The following PVT1 variants were observed in gnomAD, a reference collection of about 807,000 sequenced individuals.
PVT1 encodes the protein Pvt1 oncogene.
intron 3 of PVT1, among the ~76,000 whole-genome samples, chr8:127,959,537 A>T (rs921631118): frequency 1.4e-5 from 2 of 140,808 alleles, no homozygotes; most frequent in African/African-American, 5.2e-5. Context: ...GTTAGCCGAG[A>T]TGGCGCCACT....
chr8:128,049,763 G>A (rs578049253), intron 4 of PVT1, among the ~76,000 whole-genome samples: 6 of 152,110 alleles, frequency 3.9e-5, no homozygotes, highest in South Asian at 4.1e-4. Context: ...GGTTTACACC[G>A]GGGCTCTAGG....
intron 2 of PVT1, among the ~76,000 whole-genome samples, chr8:127,818,847 G>T (rs1413889535): frequency 6.6e-6 from 1 of 151,378 alleles, no homozygotes; most frequent in African/African-American, 2.4e-5. Context: ...GCATGTGGTA[G>T]GTGCTCAATA....
intron 3 of PVT1, among the ~76,000 whole-genome samples, chr8:127,982,828 C>T (rs940536126): frequency 2.0e-5 from 3 of 152,188 alleles, no homozygotes; most frequent in African/African-American, 7.2e-5. Flanking sequence ...CCTGTTTCTC[C>T]TCCCTGGGAC....
chr8:127,821,790 C>T (rs564978775), intron 2 of PVT1, among the ~76,000 whole-genome samples: 15 of 151,088 alleles, frequency 9.9e-5, no homozygotes, highest in African/African-American at 3.4e-4. Flanking sequence ...CCAGCCTGGG[C>T]GACAGAGGGT....
intron 2 of PVT1, among the ~76,000 whole-genome samples, chr8:127,798,558 G>A (rs1384325451): frequency 6.6e-6 from 1 of 151,646 alleles, no homozygotes; most frequent in African/African-American, 2.4e-5. Flanking sequence ...CATGGGTAGA[G>A]GTCAGAACCC....
intron 4 of PVT1, among the ~76,000 whole-genome samples, chr8:128,054,908 T>A (rs1226785763): frequency 1.3e-5 from 2 of 152,186 alleles, no homozygotes; most frequent in African/African-American, 2.4e-5. Context: ...TCAGCAGACG[T>A]TGAGTAGAGC....
intron 2 of PVT1, among the ~76,000 whole-genome samples, chr8:127,800,116 TAGC>T (rs1814446668): frequency 6.6e-6 from 1 of 152,198 alleles, no homozygotes; most frequent in African/African-American, 2.4e-5. Flanking sequence ...GCAGAGCACT[TAGC>T]AGAGCACTTA....
At chr8:128,061,478 G>A (rs549309184) in intron 4 of PVT1, among the ~76,000 whole-genome samples, 4 of 152,280 alleles carry the variant, frequency 2.6e-5, no homozygotes, top group Non-Finnish European at 4.4e-5. Context: ...ACAAGACTTC[G>A]TATGGAGGTA....
At chr8:127,878,073 G>A (rs572833598) in intron 2 of PVT1, among the ~76,000 whole-genome samples, 5 of 152,090 alleles carry the variant, frequency 3.3e-5, no homozygotes, top group South Asian at 2.1e-4. Context: ...ATTGTTTGAC[G>A]GCTCAGGTCC....
intron 5 of PVT1, among the ~76,000 whole-genome samples, chr8:128,088,578 G>T (rs1458316146): frequency 6.6e-6 from 1 of 152,204 alleles, no homozygotes; most frequent in African/African-American, 2.4e-5. Flanking sequence ...TCTTTCCATT[G>T]TCCTCAGAGT....
chr8:127,881,632 T>C (rs1262430997), intron 2 of PVT1, among the ~76,000 whole-genome samples: 1 of 151,772 alleles, frequency 6.6e-6, no homozygotes, highest in Admixed American at 6.6e-5. Context: ...AATTTTTGTA[T>C]TTTTGGTAGC....
chr8:127,901,397 A>G (rs888925575), intron 3 of PVT1, among the ~76,000 whole-genome samples: 3 of 152,168 alleles, frequency 2.0e-5, no homozygotes, highest in Non-Finnish European at 4.4e-5. Context: ...GGCTTCTAGC[A>G]AAGCCCACAG....
intron 3 of PVT1, among the ~76,000 whole-genome samples, chr8:127,965,016 C>T (rs1231814500): frequency 6.6e-6 from 1 of 152,056 alleles, no homozygotes; most frequent in Non-Finnish European, 1.5e-5. Flanking sequence ...AGGTCATAGG[C>T]ACCAGATTCT....
rs146062394 is a variant in PVT1 at position 127,971,781 on chromosome 8, A to C, written n.783-17381A>C. On this transcript the variant is annotated intron_variant and non_coding_transcript_variant, in intron 3 of 10. Coordinates refer to ENST00000651587, the Ensembl canonical transcript of PVT1. ...ACAGGAGCTACTGCAGGTTGTGTGC[A>C]TGGAACATTCTTAGCATATCTGTCA... is the stretch of plus-strand genomic sequence containing the variant. Among the ~76,000 whole-genome samples the C allele has an allele frequency of 3.9e-3, 589 of 152,334 alleles. 6 individuals are homozygous for C. The highest frequency in any genetic ancestry group is 0.013 in the African/African-American group (545 of 41,576).
At chr8:128,082,786 A>G (rs1320377756) in intron 5 of PVT1, 1 of 152,224 alleles carries the variant, frequency 6.6e-6, no homozygotes, top group Non-Finnish European at 1.5e-5. Context: ...TGCAGCAGCC[A>G]TCTGGTAATT....
intron 4 of PVT1, among the ~76,000 whole-genome samples, chr8:128,050,063 C>A (rs192690663): frequency 2.4e-4 from 37 of 152,280 alleles, no homozygotes; most frequent in African/African-American, 7.7e-4. Flanking sequence ...GGCTCTTTCC[C>A]TCCTGAGTTT....
At chr8:127,978,332 T>A (rs13439725) in intron 3 of PVT1, among the ~76,000 whole-genome samples, 53 of 143,408 alleles carry the variant, frequency 3.7e-4, no homozygotes, top group South Asian at 1.7e-3. Context: ...TAAAAAAAAA[T>A]TTTTTTTTGT....
At chr8:128,051,147 A>G (rs1004348999) in intron 4 of PVT1, among the ~76,000 whole-genome samples, 1 of 152,202 alleles carries the variant, frequency 6.6e-6, no homozygotes, top group African/African-American at 2.4e-5. Context: ...TGCACATGAT[A>G]TGTTGTGTCT....
intron 3 of PVT1, among the ~76,000 whole-genome samples, chr8:127,944,211 C>T (rs145300903): frequency 2.8e-3 from 423 of 152,246 alleles, no homozygotes; most frequent in African/African-American, 9.7e-3. Flanking sequence ...CTTCAACATC[C>T]CAAAGTGCTA....
Sources: allele counts gnomAD v4.1 joint callset (sites outside exome capture counted in the v4.1 genomes callset), GRCh38; gene constraint gnomAD v4.1.1; transcripts MANE v1.5; gene names NCBI Gene and HGNC (gene_info 2026-07-23, HGNC 2026-07-21).